ZNF530: variants seen among roughly 807,000 people sequenced by gnomAD.
The protein encoded by ZNF530 is zinc finger protein 530.
Under a neutral mutation model 2.8 loss-of-function variants are expected in ZNF530, and 5 were observed. That is an observed-to-expected ratio of 1.80 (90% confidence interval 0.94 to 3.78). The LOEUF (loss-of-function observed/expected upper bound fraction) is 3.78, where lower values mean the gene tolerates loss of function less well. Among genes scored for constraint, ZNF530 ranks in the 30% most tolerant of loss-of-function variants. ZNF530 has a pLI of 0.00. For missense variants in ZNF530, 619 were observed against 673.3 expected, an observed-to-expected ratio of 0.92 and a Z score of 0.89; for synonymous variants, 229 against 235.0, an observed-to-expected ratio of 0.97 and a Z score of 0.23.
At chr19:57,605,519 A>T in intron 3 of ZNF530, 167 bp from the exon 4 acceptor site, 1 of 617,402 alleles carries the variant, frequency 1.6e-6, no homozygotes. Flanking sequence ...CTTTCATCTC[A>T]TAAGGCCTCC....
chr19:57,602,038 A>T (rs997525215), intron 2 of ZNF530, among the ~76,000 whole-genome samples: 2 of 152,216 alleles, frequency 1.3e-5, no homozygotes, highest in African/African-American at 2.4e-5. Context: ...TCCAGGCTAT[A>T]TCAGTGTCTT....
chr19:57,605,757 G>A lies in ZNF530; in HGVS notation c.133G>A (p.Gly45Ser). ...ESVSVEELSQGRTPKADTSTD... is the reference protein window; with the variant it reads ...ESVSVEELSQSRTPKADTSTD... Reference sequence around the variant, plus strand: ...CGTTTCTGTGGAAGAACTGTCACAGGGCAGGACTCCAAAGGCAGATACATC... The same window carrying A: ...CGTTTCTGTGGAAGAACTGTCACAGAGCAGGACTCCAAAGGCAGATACATC... Residue 45 changes from glycine to serine, a missense_variant, in exon 4 of 4, where the codon GGC becomes AGC. Physicochemically the swap from Gly to Ser is moderately conservative, Grantham distance 56 (BLOSUM62 0). Transcript: ENST00000597700. The A allele has an allele frequency of 6.2e-7, 1 of 1,614,166 alleles. No individual in the cohort carries two copies. The highest frequency in any genetic ancestry group is 8.5e-7 in the Non-Finnish European group (1 of 1,180,040).
Position 57,607,189 on chromosome 19 carries a change from C to A in ZNF530, c.1565C>A (p.Ser522Tyr), listed in dbSNP as rs778035763. 6.2e-7 allele frequency: 1 copy of A among 1,614,100 alleles called. No individual in the cohort carries two copies. Among genetic ancestry groups the A allele is most frequent in the South Asian group, 1.1e-5 (1 of 91,084 alleles). ...TATGAGTGCAGAGAATGTGGGAAAT[C>A]TTTTACCCGCAAAAATCACCTCATT... ...RPYECRECGK[S>Y]FTRKNHLIQH... Residue 522 changes from serine (S) to tyrosine (Y), a missense_variant, in exon 4 of 4, where the codon TCT (serine) becomes TAT (tyrosine). Ser to Tyr is a moderately radical substitution (Grantham distance 144). Transcript: ENST00000597700.
rs977579127 is a variant in ZNF530 at position 57,607,054 on chromosome 19, A to G, written c.1430A>G (p.Gln477Arg). The G allele has an allele frequency of 3.1e-6, 5 of 1,612,762 alleles. No individual in the cohort carries two copies. Among genetic ancestry groups the G allele is most frequent in the Non-Finnish European group, 4.2e-6 (5 of 1,179,298 alleles). The change falls in exon 4 of 4, where the codon CAG (glutamine) becomes CGG (arginine). Residue 477 changes from glutamine (Q) to arginine (R), a missense_variant. Gln to Arg is a conservative substitution (Grantham distance 43). Coordinates refer to ENST00000597700, the MANE Select transcript of ZNF530 (RefSeq NM_001321981.2). Reference protein sequence around the residue: ...FIRKTHLIRHQTVHTNERPYE... With the variant: ...FIRKTHLIRHRTVHTNERPYE... ...CGAAAAACCCACCTCATTCGACACCAGACTGTTCACACTAATGAAAGGCCT... is the reference window on the plus strand; with the variant it reads ...CGAAAAACCCACCTCATTCGACACCGGACTGTTCACACTAATGAAAGGCCT...
chr19:57,606,081 C>A lies in ZNF530; in HGVS notation c.457C>A (p.His153Asn), dbSNP rs1980508667. 2 of 1,614,078 alleles carry A rather than the reference C, an allele frequency of 1.2e-6. No individual in the cohort carries two copies. Among genetic ancestry groups the A allele is most frequent in the African/African-American group, 2.7e-5 (2 of 74,912 alleles). ...TTCAGCCACCTCAGGACTTCTCCAG[C>A]ATCAGGTGACTCCCACCATTGAGAG... is the stretch of plus-strand genomic sequence containing the variant. ...DFSATSGLLQ[H>N]QVTPTIERPH... The change falls in exon 4 of 4, where the codon CAT (histidine) becomes AAT (asparagine). Residue 153 changes from histidine (H) to asparagine (N), a missense_variant. Transcript: ENST00000597700.
intron 2 of ZNF530, among the ~76,000 whole-genome samples, chr19:57,602,408 G>A (rs913497412): frequency 7.2e-5 from 11 of 152,140 alleles, no homozygotes; most frequent in Admixed American, 2.6e-4. Flanking sequence ...TTCAATGTAA[G>A]CATTTTGTGG....
rs2123451863 is a variant in ZNF530 at position 57,600,017 on chromosome 19, G to A, written c.-239G>A. On this transcript the variant is annotated 5_prime_UTR_variant, in exon 1 of 4. Transcript: ENST00000597700. Reference sequence around the variant, plus strand: ...TCGTTTTCTCAGCTGCACAGCCGGGGCCTGACGGTCGCCGGCGGTGGTGAC... The same window carrying A: ...TCGTTTTCTCAGCTGCACAGCCGGGACCTGACGGTCGCCGGCGGTGGTGAC... The A allele has an allele frequency of 4.2e-6, 6 of 1,417,630 alleles. No individual in the cohort carries two copies. In the South Asian group the frequency reaches 5.6e-5, roughly 13 times the overall value. 87.8% of individuals were successfully genotyped at this position (1,417,630 alleles called of 1,614,324 possible). A position where few individuals can be genotyped will look rare whatever the true frequency, so the allele number is the denominator to read the frequency against.
At chr19:57,604,135 A>G (rs73062589) in intron 2 of ZNF530, 142 bp from the exon 3 acceptor site, 304,041 of 1,068,156 alleles carry the variant, frequency 0.28, 45,377 homozygotes, top group African/African-American at 0.46. Flanking sequence ...ATGAGAGAGT[A>G]GGCATCAGTG....
chr19:57,601,776 C>T (rs1454207382), intron 2 of ZNF530, among the ~76,000 whole-genome samples: 2 of 152,088 alleles, frequency 1.3e-5, no homozygotes, highest in Non-Finnish European at 1.5e-5. Flanking sequence ...GGAAGCTTAG[C>T]GCTAGTCTCC....
At position 57,609,220 on chromosome 19, in the gene ZNF530, GC is replaced by G. The variant is rs1980756391; in HGVS notation, c.*1896del. Among the ~76,000 whole-genome samples, 1 of 151,448 alleles carries G rather than the reference GC, an allele frequency of 6.6e-6. No individual in the cohort carries two copies. Among genetic ancestry groups the G allele is most frequent in the Non-Finnish European group, 1.5e-5 (1 of 67,930 alleles). ...GTGGTGCACGTCTATAATCCCAGCTGCTCTGAAGGCTGACGCACCAAGAATA... is the reference window on the plus strand; with the variant it reads ...GTGGTGCACGTCTATAATCCCAGCTGTCTGAAGGCTGACGCACCAAGAATA... On this transcript the variant is annotated 3_prime_UTR_variant, in exon 4 of 4. Coordinates refer to ENST00000597700, the MANE Select transcript of ZNF530 (RefSeq NM_001321981.2).
At chr19:57,600,656 C>T (rs147973191) in intron 1 of ZNF530, 72 bp from the exon 2 acceptor site, 13 of 153,596 alleles carry the variant, frequency 8.5e-5, no homozygotes, top group African/African-American at 3.1e-4. Flanking sequence ...CTCTGGTGTT[C>T]CACATTGGAA....
downstream of ZNF530, among the ~76,000 whole-genome samples, chr19:57,611,062 C>A (rs2123470822): frequency 6.6e-6 from 1 of 152,242 alleles, no homozygotes; most frequent in Admixed American, 6.5e-5. Context: ...CAAGGCAAGC[C>A]AACTACCCTC....
chr19:57,611,667 A>G (rs1430135917), downstream of ZNF530, among the ~76,000 whole-genome samples: 3 of 150,598 alleles, frequency 2.0e-5, no homozygotes, highest in Admixed American at 1.3e-4. Context: ...TCTGTTGGAA[A>G]ACTCTTTTCC....
chr19:57,605,615 G>A, intron 3 of ZNF530, 71 bp from the exon 4 acceptor site: 6 of 1,441,288 alleles, frequency 4.2e-6, no homozygotes, highest in Non-Finnish European at 5.6e-6. Context: ...CTCATTCTTT[G>A]ACACACATTT....
chr19:57,607,641 G>A lies in ZNF530; in HGVS notation c.*316G>A, dbSNP rs1054522351. The A allele has an allele frequency of 3.9e-5, 11 of 285,484 alleles. No homozygotes were observed. The highest frequency in any genetic ancestry group is 1.1e-4 in the African/African-American group (5 of 45,818). The allele number at this position is 285,484 out of a possible 1,614,324, so 17.7% of individuals were successfully genotyped here. ...ATTACAGGCGTGAGCCACCATGTCC[G>A]GCTTGTGTTGTGACATTTAACACAA... On this transcript the variant is annotated 3_prime_UTR_variant, in exon 4 of 4. Transcript: ENST00000597700.
Position 57,599,954 on chromosome 19 carries a change from T to C in ZNF530, c.-302T>C. On this transcript the variant is annotated 5_prime_UTR_variant, in exon 1 of 4. Coordinates refer to ENST00000597700, the MANE Select transcript of ZNF530 (RefSeq NM_001321981.2). ...CAGTTCCATCCGCGGGTGCCGGATC[T>C]GGACCTAGGTGCTGACAGCGAGAAG... The C allele has an allele frequency of 1.2e-6, 1 of 860,512 alleles. No individual in the cohort carries two copies. The highest frequency in any genetic ancestry group is 1.7e-6 in the Non-Finnish European group (1 of 591,932). 53.3% of individuals were successfully genotyped at this position (860,512 alleles called of 1,614,324 possible). A position where few individuals can be genotyped will look rare whatever the true frequency, so the allele number is the denominator to read the frequency against.
In ZNF530 at chr19:57,604,320, A is replaced by G; in HGVS notation, c.-26A>G. On this transcript the variant is annotated 5_prime_UTR_variant, in exon 3 of 4. Transcript: ENST00000597700. The stretch of plus-strand genomic sequence containing the variant: ...GAGGATGTGGCCATTTACTTCTCCC[A>G]GGAGGAGTGGGAGCTCCTTGATGAG... The G allele has an allele frequency of 6.2e-7, 1 of 1,614,138 alleles. No homozygotes were observed. The highest frequency in any genetic ancestry group is 1.1e-5 in the South Asian group (1 of 91,086).
At position 57,600,096 on chromosome 19, in the gene ZNF530, C is replaced by T. The variant is rs1599931134; in HGVS notation, c.-160C>T. ...TCCACCGCTCCCGGCCCGCTCCGCC[C>T]AGAGTCCGATGGCGGCGGCACTGAG... On this transcript the variant is annotated 5_prime_UTR_variant, in exon 1 of 4. Coordinates refer to ENST00000597700, the MANE Select transcript of ZNF530 (RefSeq NM_001321981.2). 1 of 1,557,722 alleles carries T rather than the reference C, an allele frequency of 6.4e-7. No individual in the cohort carries two copies. Among genetic ancestry groups the T allele is most frequent in the Non-Finnish European group, 8.7e-7 (1 of 1,149,510 alleles).
intron 3 of ZNF530, 81 bp downstream of exon 3, chr19:57,604,487 C>G: frequency 1.3e-6 from 2 of 1,532,336 alleles, no homozygotes; most frequent in Non-Finnish European, 8.8e-7. Context: ...GTCCTTTCTT[C>G]AGTTAGACCC....
Sources: gnomAD v4.1 joint callset for allele counts (sites outside exome capture counted in the v4.1 genomes callset) on GRCh38, gnomAD v4.1.1 for gene constraint, MANE v1.5 for transcripts, NCBI Gene and HGNC (gene_info 2026-07-23, HGNC 2026-07-21) for gene names.